The following RAB38 variants were observed in gnomAD, a reference collection of about 807,000 sequenced individuals.
The protein encoded by RAB38 is ras-related protein Rab-38.
A neutral mutation model predicts 18.4 loss-of-function variants in RAB38; 15 were observed. That is an observed-to-expected ratio of 0.82 (90% CI 0.55 to 1.26). The LOEUF is 1.26. Ranked by LOEUF, RAB38 falls within the 50% of genes most tolerant of loss-of-function variation. The probability of loss-of-function intolerance (pLI) is 0.00; values close to 1 mark genes in which losing one functional copy is unlikely to be tolerated. For synonymous variants in RAB38, 101 were observed against 104.4 expected, an observed-to-expected ratio of 0.97 and a Z score of 0.20; for missense variants, 294 against 267.4, an observed-to-expected ratio of 1.10 and a Z score of -0.69.
intron 2 of RAB38, among the ~76,000 whole-genome samples, chr11:88,122,185 A>G (rs1379048609): frequency 6.6e-6 from 1 of 152,180 alleles, no homozygotes; most frequent in Non-Finnish European, 1.5e-5. Context: ...TTGACAGTTT[A>G]CTATTCCCGA....
the RAB38 span, among the ~76,000 whole-genome samples, chr11:87,873,922 GTATATATATATA>G: frequency 3.9e-5 from 4 of 103,122 alleles, no homozygotes; most frequent in East Asian, 5.2e-4. Flanking sequence ...GTGTGTGTGT[GTATATATATATA>G]TATATATATA....
At chr11:88,030,996 C>T in the RAB38 span, among the ~76,000 whole-genome samples, 16,474 of 150,074 alleles carry the variant, frequency 0.11, 1,126 homozygotes, top group East Asian at 0.18. Context: ...ACTGGCAAAC[C>T]GAATCCAGCA....
the RAB38 span, among the ~76,000 whole-genome samples, chr11:88,052,921 T>TTTC: frequency 2.5e-3 from 64 of 25,346 alleles, 4 homozygotes; most frequent in Admixed American, 3.6e-3. Context: ...TATATATATA[T>TTTC]ATATATATAT....
the RAB38 span, among the ~76,000 whole-genome samples, chr11:87,869,775 G>C: frequency 6.6e-6 from 1 of 151,606 alleles, no homozygotes; most frequent in East Asian, 1.9e-4. Context: ...CAAATGATCA[G>C]CTGCATTCCT....
the RAB38 span, among the ~76,000 whole-genome samples, chr11:87,952,347 G>A: frequency 9.7e-4 from 148 of 152,278 alleles, 1 homozygote; most frequent in African/African-American, 3.2e-3. Flanking sequence ...ACATTCTCTC[G>A]AAGCTAAAGG....
At chr11:88,087,909 T>C in the RAB38 span, among the ~76,000 whole-genome samples, 3 of 151,934 alleles carry the variant, frequency 2.0e-5, no homozygotes, top group African/African-American at 7.2e-5. Context: ...AAAGTCCTTA[T>C]GGTCTCCTAC....
Position 88,135,203 on chromosome 11 carries a change from AC to A in RAB38, c.483+14471del, listed in dbSNP as rs539396338. On this transcript the variant is annotated intron_variant, in intron 2 of 2. Transcript: ENST00000243662. The stretch of plus-strand genomic sequence containing the variant: ...TACTCCTCCCTATATCCCACATGTT[AC>A]ATATGCCACGCAAGCTCCCCTGCTT... Among the ~76,000 whole-genome samples, 5 of 152,280 alleles carry A rather than the reference AC, an allele frequency of 3.3e-5. No homozygotes were observed. The East Asian group carries it at 9.7e-4, about 29-fold the overall frequency.
the RAB38 span, among the ~76,000 whole-genome samples, chr11:87,847,770 G>A: frequency 7.2e-5 from 11 of 152,136 alleles, no homozygotes; most frequent in Non-Finnish European, 1.0e-4. Flanking sequence ...CAAATCAAGC[G>A]GGAGAAAGGA....
the RAB38 span, among the ~76,000 whole-genome samples, chr11:87,863,666 A>T: frequency 6.6e-6 from 1 of 151,864 alleles, no homozygotes; most frequent in Admixed American, 6.6e-5. Flanking sequence ...TTTATCATTC[A>T]TTGCTTGATA....
the RAB38 span, among the ~76,000 whole-genome samples, chr11:87,903,564 C>A: frequency 6.6e-6 from 1 of 151,500 alleles, no homozygotes; most frequent in Non-Finnish European, 1.5e-5. Flanking sequence ...TTAGGCAATG[C>A]AGCCTCATAA....
At chr11:88,134,098 A>G (rs766974007) in intron 2 of RAB38, among the ~76,000 whole-genome samples, 8 of 152,232 alleles carry the variant, frequency 5.3e-5, no homozygotes, top group African/African-American at 7.2e-5. Context: ...CTGCAGAATC[A>G]TACATAACTA....
At chr11:88,138,792 A>AT (rs1233447454) in intron 2 of RAB38, among the ~76,000 whole-genome samples, 2 of 110,458 alleles carry the variant, frequency 1.8e-5, no homozygotes, top group Non-Finnish European at 4.0e-5. Context: ...TTTTTTTATT[A>AT]TTTTTTTTGA....
At chr11:87,856,850 T>G in the RAB38 span, among the ~76,000 whole-genome samples, 1 of 152,178 alleles carries the variant, frequency 6.6e-6, no homozygotes, top group Non-Finnish European at 1.5e-5. Flanking sequence ...GGCAGGTGAC[T>G]TCTTTAAAAT....
At chr11:88,046,467 T>A in the RAB38 span, among the ~76,000 whole-genome samples, 1 of 152,276 alleles carries the variant, frequency 6.6e-6, no homozygotes, top group East Asian at 1.9e-4. Flanking sequence ...TTTGCACCCT[T>A]CATCCCAGCC....
the RAB38 span, among the ~76,000 whole-genome samples, chr11:88,043,871 C>T: frequency 2.3e-4 from 35 of 152,328 alleles, no homozygotes; most frequent in African/African-American, 7.9e-4. Context: ...CTACTCTTTG[C>T]TCTGAGAGAA....
At chr11:88,046,303 C>T in the RAB38 span, among the ~76,000 whole-genome samples, 1 of 152,154 alleles carries the variant, frequency 6.6e-6, no homozygotes, top group East Asian at 1.9e-4. Context: ...CCAGACAAGC[C>T]TTACAGGTTA....
chr11:88,129,348 G>A (rs749512405), intron 2 of RAB38, among the ~76,000 whole-genome samples: 83 of 152,198 alleles, frequency 5.5e-4, no homozygotes, highest in Non-Finnish European at 9.6e-4. Flanking sequence ...ATTTCTTACA[G>A]TTTAAGAAAT....
At chr11:88,089,423 C>A in the RAB38 span, among the ~76,000 whole-genome samples, 1 of 151,918 alleles carries the variant, frequency 6.6e-6, no homozygotes, top group Non-Finnish European at 1.5e-5. Flanking sequence ...ATGTCAGGGG[C>A]AGATTGAGTA....
At chr11:87,916,624 A>G in the RAB38 span, among the ~76,000 whole-genome samples, 1 of 152,022 alleles carries the variant, frequency 6.6e-6, no homozygotes, top group Non-Finnish European at 1.5e-5. Flanking sequence ...TCTTTTCTTT[A>G]TAAGTTACCC....
Sources: allele counts gnomAD v4.1 joint callset (sites outside exome capture counted in the v4.1 genomes callset), GRCh38; gene constraint gnomAD v4.1.1; transcripts MANE v1.5; gene names NCBI Gene and HGNC (gene_info 2026-07-23, HGNC 2026-07-21).